Variants in GYPB observed in about 807,000 individuals in gnomAD.
The protein encoded by GYPB is glycophorin B (MNS blood group), also known as glycophorin-B.
GYPB carries 13 observed loss-of-function variants against 15.3 expected under a neutral mutation model. That is an observed-to-expected ratio of 0.85 (90% CI 0.55 to 1.35). The LOEUF is 1.35. Ranked by LOEUF, GYPB falls within the 40% of genes most tolerant of loss-of-function variation. The pLI is 0.00. For synonymous variants in GYPB, 38 were observed against 36.9 expected, an observed-to-expected ratio of 1.03 and a Z score of -0.11; for missense variants, 131 against 108.3, an observed-to-expected ratio of 1.21 and a Z score of -0.93.
intron 1 of GYPB, chr4:144,002,839 G>A (rs563079707): frequency 2.5e-6 from 1 of 404,482 alleles, no homozygotes; most frequent in South Asian, 2.1e-5. Flanking sequence ...ATGATCTATT[G>A]TTCCTAAACT....
chr4:144,014,217 T>C (rs1376471776), intron 1 of GYPB, among the ~76,000 whole-genome samples: 1 of 151,854 alleles, frequency 6.6e-6, no homozygotes, highest in African/African-American at 2.4e-5. Context: ...AAACATAAAA[T>C]TACTATGACC....
intron 1 of GYPB, among the ~76,000 whole-genome samples, chr4:144,013,781 G>T (rs1265936910): frequency 6.7e-6 from 1 of 150,270 alleles, no homozygotes; most frequent in Non-Finnish European, 1.5e-5. Context: ...GGGTTGGGGG[G>T]GAGGGGGAAG....
chr4:144,004,947 C>T (rs1560708683), intron 1 of GYPB, among the ~76,000 whole-genome samples: 1 of 151,808 alleles, frequency 6.6e-6, no homozygotes, highest in Non-Finnish European at 1.5e-5. Flanking sequence ...AACTCGTAAC[C>T]ATTGAACAAC....
chr4:144,009,751 C>A (rs984756427), intron 1 of GYPB, among the ~76,000 whole-genome samples: 3 of 148,880 alleles, frequency 2.0e-5, no homozygotes, highest in African/African-American at 7.6e-5. Context: ...GTAGCTGGGA[C>A]TACAGGCACC....
chr4:143,997,693 A>G, intron 3 of GYPB, 59 bp from the exon 4 acceptor site: 1 of 857,982 alleles, frequency 1.2e-6, no homozygotes, highest in Admixed American at 1.7e-5. Context: ...GCAATAGAAA[A>G]ATAAGACAGA....
At chr4:143,997,156 C>T (rs960262675) in intron 4 of GYPB, among the ~76,000 whole-genome samples, 1 of 151,214 alleles carries the variant, frequency 6.6e-6, no homozygotes, top group African/African-American at 2.5e-5. Flanking sequence ...ATCCTCCTGC[C>T]TTGGCCTCCT....
chr4:144,015,295 CT>C (rs1728432096), intron 1 of GYPB, among the ~76,000 whole-genome samples: 1 of 151,150 alleles, frequency 6.6e-6, no homozygotes, highest in Non-Finnish European at 1.5e-5. Flanking sequence ...AAGATTTTTG[CT>C]TTAGTTTTAG....
At chr4:144,010,545 G>A (rs1214211744) in intron 1 of GYPB, among the ~76,000 whole-genome samples, 1 of 151,416 alleles carries the variant, frequency 6.6e-6, no homozygotes, top group Admixed American at 6.6e-5. Flanking sequence ...GTATTATTTT[G>A]TGGAATTTTA....
intron 1 of GYPB, among the ~76,000 whole-genome samples, chr4:144,002,039 A>G (rs1727657307): frequency 6.7e-6 from 1 of 149,710 alleles, no homozygotes; most frequent in Admixed American, 6.6e-5. Context: ...ATATCCTTTT[A>G]AAATCTCATT....
chr4:144,004,182 C>A (rs1466701507), intron 1 of GYPB, among the ~76,000 whole-genome samples: 2 of 151,812 alleles, frequency 1.3e-5, no homozygotes, highest in Non-Finnish European at 2.9e-5. Flanking sequence ...CTTATAGTCA[C>A]CTAAATCAAC....
At chr4:144,002,690 G>C (rs1382245790) in intron 1 of GYPB, 1 of 1,286,360 alleles carries the variant, frequency 7.8e-7, no homozygotes, top group Non-Finnish European at 1.0e-6. Flanking sequence ...AATGCTCAAA[G>C]TTTCCTGGAG....
At chr4:143,996,080 C>A (rs1727292931), downstream of GYPB, 1 of 1,282,490 alleles carries the variant, frequency 7.8e-7, no homozygotes, top group African/African-American at 1.6e-5. Flanking sequence ...CTTGAAATAA[C>A]AAATCATGAC....
intron 1 of GYPB, chr4:144,002,629 TG>T (rs1560707161): frequency 7.8e-7 from 1 of 1,286,888 alleles, no homozygotes; most frequent in East Asian, 5.5e-5. Flanking sequence ...TGCAGTGGAG[TG>T]GAGGTGGAAG....
intron 3 of GYPB, among the ~76,000 whole-genome samples, chr4:143,998,265 G>A (rs988321638): frequency 6.6e-6 from 1 of 151,394 alleles, no homozygotes; most frequent in African/African-American, 2.5e-5. Flanking sequence ...TCATTTATAT[G>A]TTGGGAATGA....
Position 143,996,135 on chromosome 4 carries a change from G to C in GYPB, c.*164C>G. The stretch of plus-strand genomic sequence containing the variant: ...TTGTATTTTGTTTTATTTTTATTTA[G>C]AAGTAGAGAATACAGTAATAGTGAG... On this transcript the variant is annotated 3_prime_UTR_variant, in exon 5 of 5. Transcript: ENST00000502664. 6.9e-7 allele frequency: 1 copy of C among 1,445,092 alleles called. No homozygotes were observed. The highest frequency in any genetic ancestry group is 2.5e-5 in the East Asian group (1 of 39,812). 89.5% of individuals were successfully genotyped at this position (1,445,092 alleles called of 1,614,324 possible).
chr4:144,005,197 G>C (rs1344748154), intron 1 of GYPB, among the ~76,000 whole-genome samples: 2 of 151,942 alleles, frequency 1.3e-5, no homozygotes, highest in Non-Finnish European at 2.9e-5. Flanking sequence ...TTTACAGATA[G>C]ACATTTGGTC....
At chr4:144,010,489 A>G (rs539644663) in intron 1 of GYPB, among the ~76,000 whole-genome samples, 2 of 151,064 alleles carry the variant, frequency 1.3e-5, no homozygotes, top group Admixed American at 6.5e-5. Context: ...TAAGTTGTAT[A>G]AAATGGAGAG....
At chr4:144,019,030 C>T (rs1728649201) in intron 1 of GYPB, among the ~76,000 whole-genome samples, 1 of 151,254 alleles carries the variant, frequency 6.6e-6, no homozygotes, top group South Asian at 2.1e-4. Context: ...GTAAGCTTCT[C>T]ATACTAGAAA....
Position 143,997,844 on chromosome 4 carries a change from C to A in GYPB, c.176-210G>T. Among the ~76,000 whole-genome samples, 2 of 151,190 alleles carry A rather than the reference C, an allele frequency of 1.3e-5. 1 individual carries two copies. Among genetic ancestry groups the A allele is most frequent in the African/African-American group, 4.9e-5 (2 of 40,558 alleles). ...GACTGTGAGTGATCAAGTCTTTTGT[C>A]CAAGGTCGCAAAATAGTTGATGACA... On this transcript the variant is annotated intron_variant, in intron 3 of 4. Coordinates refer to ENST00000502664, the MANE Select transcript of GYPB (RefSeq NM_002100.6).
Sources: gnomAD v4.1 joint callset for allele counts (sites outside exome capture counted in the v4.1 genomes callset) on GRCh38, gnomAD v4.1.1 for gene constraint, MANE v1.5 for transcripts, NCBI Gene and HGNC (gene_info 2026-07-23, HGNC 2026-07-21) for gene names.